The following RFESD variants were observed in gnomAD, a reference collection of about 807,000 sequenced individuals.
RFESD encodes the protein Rieske Fe-S domain containing, also known as Rieske domain-containing protein.
In RFESD, 16 loss-of-function variants were observed where a neutral mutation model predicts 24.4. The observed-to-expected ratio is 0.66, with a 90% CI of 0.44 to 1.00. The LOEUF (loss-of-function observed/expected upper bound fraction) is 1.00. Among genes scored for constraint, RFESD ranks in the 50% least tolerant of loss-of-function variants. The pLI is 0.00. For synonymous variants in RFESD, 59 were observed against 81.8 expected (o/e 0.72, Z 1.50); for missense variants, 208 against 247.0 (o/e 0.84, Z 1.06).
intron 5 of RFESD, among the ~76,000 whole-genome samples, chr5:95,654,688 G>T (rs1379727236): frequency 6.6e-6 from 1 of 152,138 alleles, no homozygotes; most frequent in Non-Finnish European, 1.5e-5. Flanking sequence ...ATACAGCCAT[G>T]CTGTGGAATA....
In RFESD at chr5:95,654,206, G is replaced by A. The variant is rs375352499; in HGVS notation, c.304G>A (p.Glu102Lys). The A allele has an allele frequency of 1.2e-6, 2 of 1,612,998 alleles. No individual in the cohort carries two copies. The highest frequency in any genetic ancestry group is 2.7e-5 in the African/African-American group (2 of 74,892). The stretch of plus-strand genomic sequence containing the variant: ...AGTGGTCATTTTCTACCACAAGGGA[G>A]AATATCATGCTATGGATATTCGCTG... ...REVVIFYHKG[E>K]YHAMDIRCYH... The change falls in exon 4 of 6, where the codon GAA (glutamate) becomes AAA (lysine). Residue 102 changes from glutamate to lysine, a missense_variant. Transcript: ENST00000380005.
At chr5:95,652,936 C>A in intron 2 of RFESD, 181 bp from the exon 3 acceptor site, 1 of 760,256 alleles carries the variant, frequency 1.3e-6, no homozygotes, top group Non-Finnish European at 2.0e-6. Flanking sequence ...AATCAATTCA[C>A]ACTTTCCTGC....
intron 3 of RFESD, among the ~76,000 whole-genome samples, chr5:95,653,752 G>C (rs543553495): frequency 8.5e-4 from 130 of 152,184 alleles, no homozygotes; most frequent in African/African-American, 2.9e-3. Context: ...ACAAAAATTA[G>C]CCAGGTGTGG....
intron 1 of RFESD, chr5:95,647,242 G>C (rs886403942): frequency 6.6e-6 from 1 of 152,220 alleles, no homozygotes; most frequent in African/African-American, 2.4e-5. Context: ...AACTGCAGGC[G>C]GTCTTTACCG....
At chr5:95,650,739 G>A (rs897012978) in intron 1 of RFESD, among the ~76,000 whole-genome samples, 2 of 152,118 alleles carry the variant, frequency 1.3e-5, no homozygotes, top group Non-Finnish European at 1.5e-5. Context: ...TTTTGGGGAA[G>A]CGACTGGCCC....
chr5:95,652,563 A>C (rs1580259941), intron 2 of RFESD: 1 of 443,028 alleles, frequency 2.3e-6, no homozygotes, highest in East Asian at 3.6e-5. Context: ...CAGTTCACCT[A>C]GCTGCACAAA....
In RFESD at chr5:95,654,043, T is replaced by G. The variant is rs765891377; in HGVS notation, c.159-18T>G. 1 of 1,601,754 alleles carries G rather than the reference T, an allele frequency of 6.2e-7. No homozygotes were observed. Among genetic ancestry groups the G allele is most frequent in the Non-Finnish European group, 8.5e-7 (1 of 1,175,316 alleles). ...TAGTGAATACTTCTTGTAACTTTCC[T>G]TCTTTATGTTCAACTAGCATGAATC... On this transcript the variant is annotated intron_variant, in intron 3 of 5. Coordinates refer to ENST00000380005, the MANE Select transcript of RFESD (RefSeq NM_001131066.2).
In RFESD at chr5:95,657,310, T is replaced by TG. The variant is rs1443981081; in HGVS notation, c.*1003dup. On this transcript the variant is annotated 3_prime_UTR_variant, in exon 6 of 6. Transcript: ENST00000380005. ...GGTCAGTACCATTCAGTTGCAATGA[T>TG]GGTCATACCGTACCAGTTGTAATGT... 1.3e-5 allele frequency: 2 copies of TG among 151,982 alleles called. No homozygotes were observed. The highest frequency in any genetic ancestry group is 1.3e-4 in the Admixed American group (2 of 15,252). 9.4% of individuals were successfully genotyped at this position (151,982 alleles called of 1,614,324 possible).
chr5:95,656,323 G>A lies in RFESD; in HGVS notation c.*14G>A. 2 of 1,584,052 alleles carry A rather than the reference G, an allele frequency of 1.3e-6. No individual in the cohort carries two copies. The highest frequency in any genetic ancestry group is 1.7e-6 in the Non-Finnish European group (2 of 1,162,044). ...AGTTCTTCCTGATAAAAAATATATAGAAATGAAAAATGTTGTGTATGCTTG... is the reference window on the plus strand; with the variant it reads ...AGTTCTTCCTGATAAAAAATATATAAAAATGAAAAATGTTGTGTATGCTTG... On this transcript the variant is annotated 3_prime_UTR_variant, in exon 6 of 6. Coordinates refer to ENST00000380005, the MANE Select transcript of RFESD (RefSeq NM_001131066.2).
At chr5:95,650,572 AACTT>A (rs1750270972) in intron 1 of RFESD, among the ~76,000 whole-genome samples, 1 of 152,192 alleles carries the variant, frequency 6.6e-6, no homozygotes, top group African/African-American at 2.4e-5. Flanking sequence ...TTGTTTTATA[AACTT>A]ACTTTTTAAA....
intron 3 of RFESD, 70 bp from the exon 4 acceptor site, chr5:95,653,991 G>A (rs912853024): frequency 1.5e-6 from 2 of 1,302,606 alleles, no homozygotes; most frequent in African/African-American, 2.9e-5. Context: ...CATTCTTAGG[G>A]TTATCTCCAT....
At chr5:95,652,580 A>C in intron 2 of RFESD, 1 of 385,360 alleles carries the variant, frequency 2.6e-6, no homozygotes, top group East Asian at 4.1e-5. Context: ...CAAACCTAAA[A>C]CTTGGGAGTC....
chr5:95,650,450 A>G (rs1750263545), intron 1 of RFESD, among the ~76,000 whole-genome samples: 1 of 152,322 alleles, frequency 6.6e-6, no homozygotes, highest in Non-Finnish European at 1.5e-5. Context: ...GATATCTGAT[A>G]TCTGTCTTCC....
At chr5:95,652,848 C>T (rs1293518863) in intron 2 of RFESD, 5 of 409,896 alleles carry the variant, frequency 1.2e-5, no homozygotes, top group African/African-American at 8.2e-5. Flanking sequence ...GGACCCCTAG[C>T]TTTCTGATTT....
Position 95,652,159 on chromosome 5 carries a change from A to T in RFESD, c.-113A>T. 6 of 1,327,994 alleles carry T rather than the reference A, an allele frequency of 4.5e-6. No homozygotes were observed. The highest frequency in any genetic ancestry group is 5.9e-6 in the Non-Finnish European group (6 of 1,011,512). 82.3% of individuals were successfully genotyped at this position (1,327,994 alleles called of 1,614,324 possible). ...CAGGTTACCACCTATTTGCAATTCA[A>T]GGAGAATATAAGACAGAGAAGAAAG... On this transcript the variant is annotated 5_prime_UTR_variant, in exon 2 of 6. In the 5' UTR this introduces an upstream ATG that the reference lacks. Transcript: ENST00000380005.
chr5:95,651,060 T>C (rs914871680), intron 1 of RFESD, among the ~76,000 whole-genome samples: 1 of 136,214 alleles, frequency 7.3e-6, no homozygotes, highest in Non-Finnish European at 1.5e-5. Flanking sequence ...ATGGAGCCAC[T>C]GCACTCCAGC....
chr5:95,649,518 T>C (rs1750229024), intron 1 of RFESD, among the ~76,000 whole-genome samples: 2 of 152,230 alleles, frequency 1.3e-5, no homozygotes, highest in African/African-American at 4.8e-5. Context: ...AGTGGGATTA[T>C]TATTATGTTT....
In RFESD at chr5:95,654,051, G is replaced by A; in HGVS notation, c.159-10G>A. ...ACTTCTTGTAACTTTCCTTCTTTAT[G>A]TTCAACTAGCATGAATCTTGATGGC... On this transcript the variant is annotated splice_polypyrimidine_tract_variant and intron_variant, in intron 3 of 5. Transcript: ENST00000380005. The A allele has an allele frequency of 1.2e-6, 2 of 1,603,774 alleles. No individual in the cohort carries two copies. The highest frequency in any genetic ancestry group is 1.7e-6 in the Non-Finnish European group (2 of 1,176,802).
In RFESD at chr5:95,657,557, A is replaced by G. The variant is rs1006485420; in HGVS notation, c.*1248A>G. ...GAATAGAATTAAGAATCTAAATCTA[A>G]TACTTAACATTCTAAGGAGCCGACC... On this transcript the variant is annotated 3_prime_UTR_variant, in exon 6 of 6. Transcript: ENST00000380005. 2 of 152,114 alleles carry G rather than the reference A, an allele frequency of 1.3e-5. No individual in the cohort carries two copies. Among genetic ancestry groups the G allele is most frequent in the South Asian group, 4.1e-4 (2 of 4,826 alleles). The allele number at this position is 152,114 out of a possible 1,614,324, so 9.4% of individuals were successfully genotyped here.
Sources: gnomAD v4.1 joint callset for allele counts (sites outside exome capture counted in the v4.1 genomes callset) on GRCh38, gnomAD v4.1.1 for gene constraint, MANE v1.5 for transcripts, NCBI Gene and HGNC (gene_info 2026-07-23, HGNC 2026-07-21) for gene names.